ALMS1: variants seen among roughly 807,000 people sequenced by gnomAD.
ALMS1 encodes centrosome-associated protein ALMS1.
In ALMS1, 271 loss-of-function variants were observed where a neutral mutation model predicts 352.2. The ratio of observed to expected loss-of-function variants is 0.77; its 90% CI spans 0.70 to 0.85. The LOEUF is 0.85. ALMS1 is among the 40% of genes least tolerant of loss of function. The pLI is 0.00. For missense variants in ALMS1, 5,445 were observed against 4,870.7 expected, an observed-to-expected ratio of 1.12 and a Z score of -3.51; for synonymous variants, 1,865 against 1,761.2, an observed-to-expected ratio of 1.06 and a Z score of -1.48.
intron 12 of ALMS1, among the ~76,000 whole-genome samples, chr2:73,543,345 T>C (rs1011101362): frequency 6.6e-6 from 1 of 152,116 alleles, no homozygotes; most frequent in Non-Finnish European, 1.5e-5. Flanking sequence ...CCCTTCCTTA[T>C]ACCTTATACA....
chr2:73,504,105 G>A (rs1263810585), intron 10 of ALMS1, among the ~76,000 whole-genome samples: 2 of 152,042 alleles, frequency 1.3e-5, no homozygotes, highest in African/African-American at 4.8e-5. Flanking sequence ...TGACTCACAA[G>A]AGGTTACAAA....
intron 4 of ALMS1, among the ~76,000 whole-genome samples, chr2:73,423,340 T>C (rs558073020): frequency 6.6e-6 from 1 of 152,304 alleles, no homozygotes; most frequent in East Asian, 1.9e-4. Flanking sequence ...TATTTCTTGT[T>C]CACTAACTTG....
chr2:73,491,497 C>T lies in ALMS1; in HGVS notation c.9538C>T (p.Arg3180Ter), dbSNP rs563393715. The T allele has an allele frequency of 1.2e-6, 2 of 1,613,768 alleles. No individual in the cohort carries two copies. Among genetic ancestry groups the T allele is most frequent in the Non-Finnish European group, 1.7e-6 (2 of 1,179,920 alleles). The change falls in exon 10 of 23, where the codon CGA becomes TGA. Residue 3180 changes from arginine to a stop codon, truncating the protein, a stop_gained and splice_region_variant. Coordinates refer to ENST00000613296, the MANE Select transcript of ALMS1 (RefSeq NM_001378454.1). LOFTEE classifies it high-confidence loss of function. ...NPEGTPVFAD[R>*]LPEKMKTPLS... ...AGAGGGGACCCCAGTATTTGCAGAT[C>T]GGTGAGTCTCATTGTGATAACAAGC...
chr2:73,490,105 A>T lies in ALMS1; in HGVS notation c.8146A>T (p.Thr2716Ser), dbSNP rs1234404032. Reference protein sequence around the residue: ...EPMKKFTTSITFSSHRHSKCI... With the variant: ...EPMKKFTTSISFSSHRHSKCI... ...CATGAAAAAGTTTACTACCTCCATCACTTTTTCATCTCACCGACATTCTAA... is the reference window on the plus strand; with the variant it reads ...CATGAAAAAGTTTACTACCTCCATCTCTTTTTCATCTCACCGACATTCTAA... The change falls in exon 10 of 23, where the codon ACT (threonine) becomes TCT (serine). Residue 2716 changes from threonine (T) to serine (S), a missense_variant. Transcript: ENST00000613296. 1 of 1,614,018 alleles carries T rather than the reference A, an allele frequency of 6.2e-7. No individual in the cohort carries two copies. The highest frequency in any genetic ancestry group is 1.7e-5 in the Admixed American group (1 of 60,004).
intron 10 of ALMS1, among the ~76,000 whole-genome samples, chr2:73,514,789 G>A (rs1199103147): frequency 3.3e-5 from 5 of 152,112 alleles, no homozygotes; most frequent in Admixed American, 1.3e-4. Context: ...TTTAAGAAAT[G>A]TATTTCAGTT....
intron 21 of ALMS1, among the ~76,000 whole-genome samples, chr2:73,606,678 A>G (rs940754989): frequency 5.9e-5 from 9 of 152,274 alleles, no homozygotes; most frequent in Admixed American, 3.3e-4. Context: ...AGAATCTTCA[A>G]TATCATCTAG....
intron 6 of ALMS1, among the ~76,000 whole-genome samples, chr2:73,427,169 G>C (rs577381880): frequency 6.6e-6 from 1 of 152,268 alleles, no homozygotes; most frequent in East Asian, 1.9e-4. Context: ...CTTGTACTTT[G>C]AATGTTTCCC....
rs112688697 is a variant in ALMS1, at chr2:73,569,366, G to C, written c.10385-2896G>C. ...TTTCTGTATTTTACTTCATTCCCAGGCTGGGAGGACTATGTTCATTGAAAA... is the reference window on the plus strand; with the variant it reads ...TTTCTGTATTTTACTTCATTCCCAGCCTGGGAGGACTATGTTCATTGAAAA... On this transcript the variant is annotated intron_variant, in intron 15 of 22. Coordinates refer to ENST00000613296, the MANE Select transcript of ALMS1 (RefSeq NM_001378454.1). Among the ~76,000 whole-genome samples the C allele has an allele frequency of 7.8e-3, 1,187 of 151,968 alleles. 14 individuals are homozygous for C. Among genetic ancestry groups the C allele is most frequent in the African/African-American group, 0.027 (1,137 of 41,418 alleles).
At chr2:73,487,972 G>T (rs1414364744) in intron 9 of ALMS1, among the ~76,000 whole-genome samples, 1 of 152,200 alleles carries the variant, frequency 6.6e-6, no homozygotes. Context: ...CTGAGTCCAG[G>T]GTTTTTATGG....
intron 10 of ALMS1, among the ~76,000 whole-genome samples, chr2:73,502,683 G>A (rs2103922642): frequency 6.6e-6 from 1 of 152,152 alleles, no homozygotes; most frequent in African/African-American, 2.4e-5. Context: ...TTCTACTGAT[G>A]TAGTGAATTA....
At chr2:73,576,870 C>G (rs561344148) in intron 16 of ALMS1, among the ~76,000 whole-genome samples, 8 of 152,174 alleles carry the variant, frequency 5.3e-5, no homozygotes, top group Non-Finnish European at 8.8e-5. Flanking sequence ...GATCCACCCC[C>G]CTCAGTCTCC....
chr2:73,566,322 G>T (rs939603478), intron 15 of ALMS1, among the ~76,000 whole-genome samples: 1 of 152,160 alleles, frequency 6.6e-6, no homozygotes, highest in Non-Finnish European at 1.5e-5. Context: ...ACTAACTACA[G>T]TTAGGGTTAC....
chr2:73,522,710 G>A (rs879447925), intron 11 of ALMS1, among the ~76,000 whole-genome samples: 2 of 152,012 alleles, frequency 1.3e-5, no homozygotes, highest in Admixed American at 6.6e-5. Flanking sequence ...CTTGTGATCC[G>A]CCCACCTTGG....
At chr2:73,562,318 A>G (rs187592584) in intron 15 of ALMS1, among the ~76,000 whole-genome samples, 6 of 152,224 alleles carry the variant, frequency 3.9e-5, no homozygotes, top group South Asian at 4.1e-4. Flanking sequence ...GGCACATGCT[A>G]CCACACCTGG....
Position 73,451,375 on chromosome 2 carries a change from T to C in ALMS1, c.4848T>C (p.Gly1616=). 6.2e-7 allele frequency: 1 copy of C among 1,613,920 alleles called. No homozygotes were observed. The change falls in exon 8 of 23, where the codon GGT becomes GGC. Residue 1616 remains glycine, a synonymous_variant. Coordinates refer to ENST00000613296, the MANE Select transcript of ALMS1 (RefSeq NM_001378454.1). ...KKTDIPAGPL[G]SSALGEKPIT... is the part of the protein sequence containing the mutation. The stretch of plus-strand genomic sequence containing the variant: ...CTGACATACCAGCAGGACCTTTAGG[T>C]TCCAGTGCACTTGGAGAGAAGCCCA...
chr2:73,400,283 GTGGGATAAACCCACT>G (rs1404326810), intron 1 of ALMS1, among the ~76,000 whole-genome samples: 2 of 152,150 alleles, frequency 1.3e-5, no homozygotes, highest in East Asian at 3.8e-4. Flanking sequence ...GTTTGCGTAC[GTGGGATAAACCCACT>G]TGTCATGATG....
chr2:73,485,430 G>T (rs796948437), intron 9 of ALMS1, among the ~76,000 whole-genome samples: 2 of 148,316 alleles, frequency 1.3e-5, no homozygotes, highest in South Asian at 2.1e-4. Flanking sequence ...CAGTCTGCCC[G>T]TTCTCAGATC....
intron 9 of ALMS1, among the ~76,000 whole-genome samples, chr2:73,482,983 G>C (rs1012492749): frequency 8.5e-5 from 13 of 152,150 alleles, no homozygotes; most frequent in Admixed American, 8.5e-4. Flanking sequence ...TTCTTTATTA[G>C]TCTTGCTAGC....
chr2:73,510,519 G>A (rs531056267), intron 10 of ALMS1, among the ~76,000 whole-genome samples: 1 of 152,318 alleles, frequency 6.6e-6, no homozygotes, highest in East Asian at 1.9e-4. Context: ...TCCAGACCCT[G>A]TTTGCCTGGG....
Sources: allele counts gnomAD v4.1 joint callset (sites outside exome capture counted in the v4.1 genomes callset), GRCh38; gene constraint gnomAD v4.1.1; transcripts MANE v1.5; gene names NCBI Gene and HGNC (gene_info 2026-07-23, HGNC 2026-07-21).